The following TECTA variants were observed in gnomAD, a reference collection of about 807,000 sequenced individuals.
The protein encoded by TECTA is tectorin alpha, also known as alpha-tectorin.
Under a neutral mutation model 216.8 loss-of-function variants are expected in TECTA, and 128 were observed. That is an observed-to-expected ratio of 0.59 (90% CI 0.51 to 0.68). TECTA has a LOEUF of 0.68. TECTA is among the 30% of genes least tolerant of loss of function. The probability of loss-of-function intolerance (pLI) is 0.00; values close to 1 mark genes in which losing one functional copy is unlikely to be tolerated. For synonymous variants in TECTA, 1,089 were observed against 1,117.1 expected (o/e 0.97, Z 0.50); for missense variants, 2,551 against 2,786.2 (o/e 0.92, Z 1.90).
rs542125883 is a variant in TECTA at position 121,139,668 on chromosome 11, C to T, written c.3543+1646C>T. 1.1e-4 allele frequency among the ~76,000 whole-genome samples: 17 copies of T among 148,388 alleles called. No homozygotes were observed. In the South Asian group the frequency reaches 2.3e-3, roughly 20 times the overall value. On this transcript the variant is annotated intron_variant, in intron 11 of 23. Coordinates refer to ENST00000392793, the MANE Select transcript of TECTA (RefSeq NM_005422.4). ...TTGCGCCATTGCACTCCAGCCTGGA[C>T]GACAGAGCAAGACTCTGTCTCAAAA...
At chr11:121,158,650 A>C (rs1946968821) in intron 14 of TECTA, among the ~76,000 whole-genome samples, 1 of 152,156 alleles carries the variant, frequency 6.6e-6, no homozygotes, top group Non-Finnish European at 1.5e-5. Flanking sequence ...AGCTAAGGGA[A>C]AGCAAGCACT....
rs769446134 is a variant in TECTA, at chr11:121,137,912, G to T, written c.3433G>T (p.Ala1145Ser). 1 of 1,603,274 alleles carries T rather than the reference G, an allele frequency of 6.2e-7. No individual in the cohort carries two copies. The highest frequency in any genetic ancestry group is 8.5e-7 in the Non-Finnish European group (1 of 1,171,182). The change falls in exon 11 of 24, where the codon GCC (alanine) becomes TCC (serine). Residue 1145 changes from alanine (A) to serine (S), a missense_variant. By Grantham distance (99) the Ala-to-Ser change is moderately conservative. Around this residue, in one of 3 missense-constraint regions of TECTA, gnomAD observed 2,375 missense variants for 2,563.9 expected, o/e 0.93. Coordinates refer to ENST00000392793, the MANE Select transcript of TECTA (RefSeq NM_005422.4). ...CTCTTTCCCCAAGTTTGTTGTCACA[G>T]CCAAGAATGAGGACCGGGACCCGTC... ...SDSFPKFVVT[A>S]KNEDRDPSLA...
At position 121,162,240 on chromosome 11, in the gene TECTA, C is replaced by T. The variant is rs151087951; in HGVS notation, c.5142C>T (p.Tyr1714=). ...GGCTTCTCGATCCCCTCCCATTCTACGAGTCCTGCTACCTGGACGGCTGCT... is the reference window on the plus strand; with the variant it reads ...GGCTTCTCGATCCCCTCCCATTCTATGAGTCCTGCTACCTGGACGGCTGCT... ...CYGLLDPLPF[Y]ESCYLDGCYS... is the part of the protein sequence containing the mutation. Residue 1714 remains tyrosine (Y), a synonymous_variant, in exon 16 of 24, where the codon TAC becomes TAT. Coordinates refer to ENST00000392793, the MANE Select transcript of TECTA (RefSeq NM_005422.4). The T allele has an allele frequency of 3.4e-5, 55 of 1,614,144 alleles. No homozygotes were observed. The highest frequency in any genetic ancestry group is 3.3e-4 in the Middle Eastern group (2 of 6,062).
chr11:121,138,198 G>A (rs1242787451), intron 11 of TECTA, among the ~76,000 whole-genome samples, 176 bp downstream of exon 11: 1 of 152,154 alleles, frequency 6.6e-6, no homozygotes, highest in Admixed American at 6.5e-5. Flanking sequence ...GAAGGAAACA[G>A]AGGCTCAGAG....
chr11:121,164,334 A>C (rs957805840), intron 16 of TECTA, among the ~76,000 whole-genome samples: 3 of 152,148 alleles, frequency 2.0e-5, no homozygotes, highest in Admixed American at 2.0e-4. Context: ...TTTTAAAAAA[A>C]CTCTTGAAGC....
intron 22 of TECTA, 101 bp downstream of exon 22, chr11:121,189,268 C>T: frequency 8.2e-7 from 1 of 1,216,604 alleles, no homozygotes; most frequent in East Asian, 2.5e-5. Context: ...GACAAGGAGG[C>T]TGGTGTTGGG....
In TECTA at chr11:121,118,343, CTT is replaced by C; in HGVS notation, c.829_830del (p.Leu277GlufsTer14). 6.2e-7 allele frequency: 1 copy of C among 1,614,196 alleles called. No homozygotes were observed. Among genetic ancestry groups the C allele is most frequent in the Non-Finnish European group, 8.5e-7 (1 of 1,180,054 alleles). On this transcript the variant is annotated frameshift_variant, in exon 7 of 24. Transcript: ENST00000392793. LOFTEE classifies it high-confidence loss of function. Reference sequence around the variant, plus strand: ...GGCGAGGGGAGGTGTTTTGGGATGACTTGAACTGCACCGTCAAGTGCCGCTGT... The same window carrying C: ...GGCGAGGGGAGGTGTTTTGGGATGACGAACTGCACCGTCAAGTGCCGCTGT... ...LRRGEVFWDD[L>X]NCTVKCRCLD...
At chr11:121,137,223 T>TGCACACACATGCACTCGC (rs1946737101) in intron 10 of TECTA, among the ~76,000 whole-genome samples, 198 bp from the exon 11 acceptor site, 1 of 151,564 alleles carries the variant, frequency 6.6e-6, no homozygotes, top group Admixed American at 6.6e-5. Context: ...CACACATGCA[T>TGCACACACATGCACTCGC]GCACACACAT....
chr11:121,134,191 G>C (rs1301838081), intron 10 of TECTA, among the ~76,000 whole-genome samples: 1 of 152,058 alleles, frequency 6.6e-6, no homozygotes, highest in Admixed American at 6.6e-5. Context: ...GCTGGAATCA[G>C]CTTGACTCCA....
At chr11:121,163,404 A>G (rs1232689376) in intron 16 of TECTA, among the ~76,000 whole-genome samples, 3 of 143,870 alleles carry the variant, frequency 2.1e-5, no homozygotes, top group Non-Finnish European at 4.5e-5. Flanking sequence ...AACAGTGAGA[A>G]CACATGGACA....
chr11:121,139,241 C>T (rs972033903), intron 11 of TECTA, among the ~76,000 whole-genome samples: 5 of 152,244 alleles, frequency 3.3e-5, no homozygotes, highest in Non-Finnish European at 5.9e-5. Flanking sequence ...GCCATTATTA[C>T]ATTCATCAGG....
intron 12 of TECTA, among the ~76,000 whole-genome samples, chr11:121,147,086 G>T (rs4936585): frequency 0.27 from 41,512 of 151,874 alleles, 7,179 homozygotes; most frequent in African/African-American, 0.49. Context: ...TTGTGGGGGT[G>T]GGGGGGAAAC....
At position 121,127,558 on chromosome 11, in the gene TECTA, ATGC is replaced by A. The variant is rs1401300861; in HGVS notation, c.1775-189_1775-187del. On this transcript the variant is annotated intron_variant, in intron 8 of 23. Transcript: ENST00000392793. The surrounding 1 kb of genome is among the most constrained non-coding windows in gnomAD (Gnocchi z 5.0). The stretch of plus-strand genomic sequence containing the variant: ...TCCAATAGAAGTTCACAGTCCAATC[ATGC>A]TGCTCAGTAGTTATTAGGAGAGTCA... Among the ~76,000 whole-genome samples, 2 of 152,174 alleles carry A rather than the reference ATGC, an allele frequency of 1.3e-5. No homozygotes were observed. Among genetic ancestry groups the A allele is most frequent in the Non-Finnish European group, 2.9e-5 (2 of 68,030 alleles).
rs1844075996 is a variant in TECTA, at chr11:121,147,476, C to T, written c.4105+1360C>T. On this transcript the variant is annotated intron_variant, in intron 12 of 23. Coordinates refer to ENST00000392793, the MANE Select transcript of TECTA (RefSeq NM_005422.4). ...CAGTCCCTGAGTGGGTGAGGCCAGGCAGGGTGGGAAATGGTGCCAGTAGGG... is the reference window on the plus strand; with the variant it reads ...CAGTCCCTGAGTGGGTGAGGCCAGGTAGGGTGGGAAATGGTGCCAGTAGGG... Among the ~76,000 whole-genome samples the T allele has an allele frequency of 2.6e-5, 4 of 152,242 alleles. 1 individual carries two copies. The South Asian group carries it at 8.3e-4, about 32-fold the overall frequency.
chr11:121,166,853 T>C (rs1053502323), intron 18 of TECTA, 73 bp downstream of exon 18: 3 of 1,568,704 alleles, frequency 1.9e-6, no homozygotes, highest in Non-Finnish European at 2.6e-6. Flanking sequence ...TTTATTGTCC[T>C]GAAAACCAAC....
At chr11:121,138,149 G>C in intron 11 of TECTA, 127 bp downstream of exon 11, 1 of 1,336,544 alleles carries the variant, frequency 7.5e-7, no homozygotes, top group Non-Finnish European at 1.0e-6. Flanking sequence ...TTAAAGCAGA[G>C]AGAGGCCCTA....
chr11:121,170,075 G>C (rs1947095922), intron 20 of TECTA, among the ~76,000 whole-genome samples: 1 of 152,060 alleles, frequency 6.6e-6, no homozygotes, highest in Non-Finnish European at 1.5e-5. Context: ...AACTTTTTAA[G>C]CTCCCACATG....
At chr11:121,181,450 A>AAATTATT (rs1555131199) in intron 20 of TECTA, among the ~76,000 whole-genome samples, 2 of 148,274 alleles carry the variant, frequency 1.3e-5, no homozygotes, top group Non-Finnish European at 3.0e-5. Context: ...GTTGCTGGAG[A>AAATTATT]ATTATTATTA....
chr11:121,131,960 G>A (rs1946679451), intron 10 of TECTA, among the ~76,000 whole-genome samples: 1 of 152,162 alleles, frequency 6.6e-6, no homozygotes, highest in Admixed American at 6.5e-5. Context: ...CTTGCTTAAG[G>A]TAGTGTCTGT....
Sources: gnomAD v4.1 joint callset for allele counts (sites outside exome capture counted in the v4.1 genomes callset) on GRCh38, gnomAD v4.1.1 for gene constraint, gnomAD v4.1.1 regional missense constraint, Gnocchi (gnomAD v3.1) non-coding constraint, MANE v1.5 for transcripts, NCBI Gene and HGNC (gene_info 2026-07-23, HGNC 2026-07-21) for gene names.